TMEM45A: variants seen among roughly 807,000 people sequenced by gnomAD.
TMEM45A encodes the protein DNA polymerase-transactivated protein 4.
Under a neutral mutation model 32.0 loss-of-function variants are expected in TMEM45A, and 25 were observed. The observed-to-expected ratio is 0.78, with a 90% CI of 0.57 to 1.09. The LOEUF is 1.09. Among genes scored for constraint, TMEM45A ranks in the 50% least tolerant of loss-of-function variants. The probability of loss-of-function intolerance (pLI) is 0.00; values close to 1 mark genes in which losing one functional copy is unlikely to be tolerated. For missense variants in TMEM45A, 302 were observed against 325.0 expected (o/e 0.93, Z 0.54); for synonymous variants, 122 against 114.8 (o/e 1.06, Z -0.40).
chr3:100,522,220 G>A (rs1026451336), intron 1 of TMEM45A, among the ~76,000 whole-genome samples: 2 of 152,162 alleles, frequency 1.3e-5, no homozygotes, highest in African/African-American at 2.4e-5. Flanking sequence ...GGGAAGCGAG[G>A]TGTGGAGGTG....
chr3:100,560,247 TTCTC>T (rs759056986), intron 4 of TMEM45A, among the ~76,000 whole-genome samples: 3 of 146,748 alleles, frequency 2.0e-5, no homozygotes, highest in Admixed American at 6.7e-5. Context: ...TGTTTTCTGC[TTCTC>T]TCTCTCTCTC....
intron 1 of TMEM45A, among the ~76,000 whole-genome samples, chr3:100,515,391 C>T (rs1357395510): frequency 1.3e-5 from 2 of 148,720 alleles, no homozygotes; most frequent in Non-Finnish European, 3.0e-5. Flanking sequence ...AAAAACCAAA[C>T]ACCGCATATT....
chr3:100,546,157 G>T (rs563157617), intron 1 of TMEM45A, among the ~76,000 whole-genome samples: 2 of 152,190 alleles, frequency 1.3e-5, no homozygotes, highest in African/African-American at 4.8e-5. Context: ...GGAAAGACAT[G>T]TATTCTCCCT....
rs770954054 is a variant in TMEM45A at position 100,528,953 on chromosome 3, G to A, written c.-3-26256G>A. Among the ~76,000 whole-genome samples, 89 of 152,170 alleles carry A rather than the reference G, an allele frequency of 5.8e-4. 2 individuals are homozygous for A. Among genetic ancestry groups the A allele is most frequent in the South Asian group, 1.7e-3 (8 of 4,828 alleles). On this transcript the variant is annotated intron_variant, in intron 1 of 5. Coordinates refer to ENST00000323523, the MANE Select transcript of TMEM45A (RefSeq NM_018004.3). ...AAATGACTTTCATATGAGGCCTTAA[G>A]GGTCAGATAGTTTCTGTTTTATAGG...
Position 100,577,150 on chromosome 3 carries a change from T to G in TMEM45A, c.*132T>G. ...TAAGTGTACTGTTTGCATTTCCAAT[T>G]TGGTTAAAGTATTTGAATTTAAATA... On this transcript the variant is annotated 3_prime_UTR_variant, in exon 6 of 6. Transcript: ENST00000323523. 1 of 648,968 alleles carries G rather than the reference T, an allele frequency of 1.5e-6. No homozygotes were observed. Among genetic ancestry groups the G allele is most frequent in the Non-Finnish European group, 2.5e-6 (1 of 398,284 alleles). The allele number at this position is 648,968 out of a possible 1,614,324, so 40.2% of individuals were successfully genotyped here.
intron 1 of TMEM45A, among the ~76,000 whole-genome samples, chr3:100,513,603 A>G (rs1438921489): frequency 1.3e-5 from 2 of 150,714 alleles, no homozygotes; most frequent in South Asian, 2.1e-4. Flanking sequence ...CCTATTCAAC[A>G]TAGTGTTGGA....
chr3:100,495,036 T>C (rs1707902926), intron 1 of TMEM45A, among the ~76,000 whole-genome samples: 1 of 152,216 alleles, frequency 6.6e-6, no homozygotes, highest in African/African-American at 2.4e-5. Context: ...ACTCACTCTT[T>C]GTTATCTTCC....
rs1706494882 is a variant in TMEM45A, at chr3:100,568,746, G to A, written c.589-76G>A. 3.7e-6 allele frequency: 5 copies of A among 1,363,476 alleles called. No individual in the cohort carries two copies. The African/African-American group carries it at 4.4e-5, about 12-fold the overall frequency. The allele number at this position is 1,363,476 out of a possible 1,614,324, so 84.5% of individuals were successfully genotyped here. ...GTTAACTTAGTTATTTACCTCGGAA[G>A]CAAGTATTTTGAAATGTACCATTTT... is the stretch of plus-strand genomic sequence containing the variant. On this transcript the variant is annotated intron_variant, in intron 4 of 5. Transcript: ENST00000323523.
At chr3:100,508,136 C>A (rs1049006614) in intron 1 of TMEM45A, among the ~76,000 whole-genome samples, 16 of 152,010 alleles carry the variant, frequency 1.1e-4, no homozygotes, top group African/African-American at 3.9e-4. Flanking sequence ...TTCCACATTT[C>A]CACCATGGAC....
In TMEM45A at chr3:100,542,222, G is replaced by T. The variant is rs1576280461; in HGVS notation, c.-3-12987G>T. On this transcript the variant is annotated intron_variant, in intron 1 of 5. Transcript: ENST00000323523. ...TTGGTAGCTTGATAGGAATAGCATT[G>T]AATCTGTAGATTGCTTTGGGAAGTA... Among the ~76,000 whole-genome samples, 5 of 152,264 alleles carry T rather than the reference G, an allele frequency of 3.3e-5. 1 individual carries two copies. In the South Asian group the frequency reaches 1.0e-3, roughly 32 times the overall value.
chr3:100,533,387 ACAGCTAAGCCTT>A (rs1201851403), intron 1 of TMEM45A, among the ~76,000 whole-genome samples: 1 of 152,160 alleles, frequency 6.6e-6, no homozygotes, highest in Non-Finnish European at 1.5e-5. Flanking sequence ...GCTCTAGTAG[ACAGCTAAGCCTT>A]GATCACTATC....
chr3:100,516,517 A>G (rs1708263795), intron 1 of TMEM45A, among the ~76,000 whole-genome samples: 1 of 152,142 alleles, frequency 6.6e-6, no homozygotes, highest in Admixed American at 6.5e-5. Flanking sequence ...CAATGTCAAG[A>G]GAAGTTTACT....
intron 3 of TMEM45A, 32 bp from the exon 4 acceptor site, chr3:100,558,373 C>T: frequency 6.2e-7 from 1 of 1,610,856 alleles, no homozygotes; most frequent in East Asian, 2.2e-5. Flanking sequence ...CTTGGTTCCA[C>T]TGAAAAAGAC....
At chr3:100,530,229 G>A (rs948534921) in intron 1 of TMEM45A, among the ~76,000 whole-genome samples, 1 of 152,200 alleles carries the variant, frequency 6.6e-6, no homozygotes, top group Non-Finnish European at 1.5e-5. Flanking sequence ...TTGTGTGTGG[G>A]ATGTGGAGAG....
At chr3:100,497,038 A>G (rs1456307684) in intron 1 of TMEM45A, among the ~76,000 whole-genome samples, 1 of 152,244 alleles carries the variant, frequency 6.6e-6, no homozygotes, top group African/African-American at 2.4e-5. Flanking sequence ...AATCATACCC[A>G]TTCTGGATTT....
intron 1 of TMEM45A, among the ~76,000 whole-genome samples, chr3:100,543,244 T>G (rs1190475752): frequency 6.6e-6 from 1 of 152,214 alleles, no homozygotes; most frequent in Non-Finnish European, 1.5e-5. Context: ...TATTTATTCA[T>G]TTCTCTATTG....
chr3:100,494,606 C>G (rs944380729), intron 1 of TMEM45A, among the ~76,000 whole-genome samples: 1 of 151,258 alleles, frequency 6.6e-6, no homozygotes, highest in African/African-American at 2.4e-5. Flanking sequence ...ATCTCCAGCT[C>G]TGGTGACAGA....
chr3:100,564,199 G>C (rs1286862472), intron 4 of TMEM45A, among the ~76,000 whole-genome samples: 1 of 152,156 alleles, frequency 6.6e-6, no homozygotes. Flanking sequence ...AGGTATTTTG[G>C]GAAAATGTAT....
At position 100,516,637 on chromosome 3, in the gene TMEM45A, G is replaced by C. The variant is rs1708266315; in HGVS notation, c.-4+23709G>C. Among the ~76,000 whole-genome samples the C allele has an allele frequency of 1.3e-5, 2 of 152,034 alleles. 1 individual carries two copies. The highest frequency in any genetic ancestry group is 3.9e-4 in the East Asian group (2 of 5,192). On this transcript the variant is annotated intron_variant, in intron 1 of 5. Coordinates refer to ENST00000323523, the MANE Select transcript of TMEM45A (RefSeq NM_018004.3). ...GCCTTTCTGTCAGCAACTCTCTCCA[G>C]GTTCTCATTGACACAGAAATTGTAA... is the stretch of plus-strand genomic sequence containing the variant.
Sources: gnomAD v4.1 joint callset for allele counts (sites outside exome capture counted in the v4.1 genomes callset) on GRCh38, gnomAD v4.1.1 for gene constraint, MANE v1.5 for transcripts, NCBI Gene and HGNC (gene_info 2026-07-23, HGNC 2026-07-21) for gene names.